L3MBTL4: variants seen among roughly 807,000 people sequenced by gnomAD.
The protein encoded by L3MBTL4 is L3MBTL histone methyl-lysine binding protein 4.
L3MBTL4 carries 70 observed loss-of-function variants against 84.5 expected under a neutral mutation model. The ratio of observed to expected loss-of-function variants is 0.83; its 90% CI spans 0.68 to 1.01. The LOEUF (loss-of-function observed/expected upper bound fraction) is 1.01. L3MBTL4 is among the 50% of genes least tolerant of loss of function. The pLI is 0.00. For synonymous variants in L3MBTL4, 274 were observed against 259.8 expected (o/e 1.05, Z -0.52); for missense variants, 715 against 754.8 (o/e 0.95, Z 0.62).
chr18:5,994,480 T>C (rs2053856459), intron 16 of L3MBTL4, among the ~76,000 whole-genome samples: 2 of 152,184 alleles, frequency 1.3e-5, no homozygotes, highest in Non-Finnish European at 2.9e-5. Context: ...AAATATCAAC[T>C]CAAAATTATC....
intron 12 of L3MBTL4, among the ~76,000 whole-genome samples, chr18:6,185,509 C>T (rs534495365): frequency 6.6e-6 from 1 of 152,222 alleles, no homozygotes; most frequent in South Asian, 2.1e-4. Flanking sequence ...GAAGTCCCAC[C>T]GGAGGGTGGT....
intron 4 of L3MBTL4, among the ~76,000 whole-genome samples, chr18:6,268,465 G>T (rs1312076873): frequency 6.6e-6 from 1 of 152,078 alleles, no homozygotes; most frequent in East Asian, 1.9e-4. Context: ...TAGCACTCTG[G>T]GCCTTAAACA....
chr18:6,029,995 C>T (rs968601044), intron 16 of L3MBTL4: 1 of 985,308 alleles, frequency 1.0e-6, no homozygotes, highest in Non-Finnish European at 1.2e-6. Flanking sequence ...ACATGAAAAC[C>T]ATCCAGATGG....
chr18:6,199,457 T>C (rs1368747877), intron 12 of L3MBTL4, among the ~76,000 whole-genome samples: 1 of 152,214 alleles, frequency 6.6e-6, no homozygotes, highest in Admixed American at 6.5e-5. Context: ...AGAGATGCCA[T>C]GTCCGTCACT....
chr18:6,032,124 C>A lies in L3MBTL4; in HGVS notation c.1444+48757G>T, dbSNP rs896164209. On this transcript the variant is annotated intron_variant, in intron 16 of 18. Transcript: ENST00000317931. ...TCCCCAGTAGGTGGGACTATAGGCA[C>A]CCGCCACCACGCCTGGCTAATTTTT... 4.8e-5 allele frequency: 12 copies of A among 248,104 alleles called. No individual in the cohort carries two copies. The Admixed American group carries it at 4.9e-4, about 10-fold the overall frequency. 15.4% of individuals were successfully genotyped at this position (248,104 alleles called of 1,614,324 possible).
At chr18:5,978,974 C>A (rs1325377759) in intron 16 of L3MBTL4, among the ~76,000 whole-genome samples, 2 of 152,150 alleles carry the variant, frequency 1.3e-5, no homozygotes, top group South Asian at 2.1e-4. Context: ...TCTGGGAGGG[C>A]AGACACCATA....
At chr18:6,378,911 G>A (rs2144315686) in intron 1 of L3MBTL4, among the ~76,000 whole-genome samples, 1 of 152,282 alleles carries the variant, frequency 6.6e-6, no homozygotes, top group Non-Finnish European at 1.5e-5. Flanking sequence ...ATTTTGGGCA[G>A]TATCACCATT....
chr18:6,247,089 T>C (rs929096552), intron 5 of L3MBTL4, among the ~76,000 whole-genome samples: 6 of 152,196 alleles, frequency 3.9e-5, no homozygotes, highest in Non-Finnish European at 8.8e-5. Context: ...TAGAGAAACA[T>C]GTGGATATAA....
At chr18:6,207,892 C>A (rs2145734034) in intron 12 of L3MBTL4, among the ~76,000 whole-genome samples, 1 of 152,010 alleles carries the variant, frequency 6.6e-6, no homozygotes, top group Admixed American at 6.5e-5. Context: ...ATCACTTCAG[C>A]TCAGGAGTTC....
Position 6,171,874 on chromosome 18 carries a change from C to A in L3MBTL4, c.1050G>T (p.Pro350=), listed in dbSNP as rs267605237. The A allele has an allele frequency of 3.2e-6, 5 of 1,555,330 alleles. No individual in the cohort carries two copies. In the Admixed American group the frequency reaches 9.7e-5, roughly 30 times the overall value. The part of the protein sequence containing the change: ...WVEADSPDIH[P]IGWCDVTGHP... Reference sequence around the variant, plus strand: ...GCCCTGTGACATCACACCATCCGATCGGGTGGATATCAGGGCTGTCTGCCT... The same window carrying A: ...GCCCTGTGACATCACACCATCCGATAGGGTGGATATCAGGGCTGTCTGCCT... Residue 350 remains proline, a synonymous_variant, in exon 13 of 19, where the codon CCG becomes CCT. Transcript: ENST00000317931.
intron 16 of L3MBTL4, among the ~76,000 whole-genome samples, chr18:6,021,670 C>T (rs1490177480): frequency 6.6e-6 from 1 of 152,088 alleles, no homozygotes; most frequent in Non-Finnish European, 1.5e-5. Context: ...CTTGGGGTTT[C>T]TGTGAAATCT....
intron 1 of L3MBTL4, chr18:6,374,278 A>G (rs1341603020): frequency 6.5e-6 from 1 of 153,126 alleles, no homozygotes; most frequent in Non-Finnish European, 1.5e-5. Context: ...TGCCAATAAC[A>G]ACAGCACCAA....
At chr18:6,276,217 G>A (rs982620789) in intron 4 of L3MBTL4, among the ~76,000 whole-genome samples, 3 of 152,200 alleles carry the variant, frequency 2.0e-5, no homozygotes, top group Admixed American at 1.3e-4. Flanking sequence ...ATTGACTGAT[G>A]TCTTATGTCT....
At chr18:6,401,123 G>C (rs2055493650) in intron 1 of L3MBTL4, among the ~76,000 whole-genome samples, 1 of 152,026 alleles carries the variant, frequency 6.6e-6, no homozygotes. Flanking sequence ...ATTATATTTG[G>C]CTCTAATTAT....
At position 6,046,090 on chromosome 18, in the gene L3MBTL4, T is replaced by G. The variant is rs1048076174; in HGVS notation, c.1444+34791A>C. The stretch of plus-strand genomic sequence containing the variant: ...AAAAATAATATAAGAATAGCAGAGG[T>G]TGTTATTCCCATATTAGATAAAACA... On this transcript the variant is annotated intron_variant, in intron 16 of 18. Coordinates refer to ENST00000317931, the MANE Select transcript of L3MBTL4 (RefSeq NM_001330559.2). Among the ~76,000 whole-genome samples, 7 of 152,040 alleles carry G rather than the reference T, an allele frequency of 4.6e-5. No individual in the cohort carries two copies. The South Asian group carries it at 1.2e-3, about 27-fold the overall frequency.
intron 16 of L3MBTL4, among the ~76,000 whole-genome samples, chr18:5,998,412 A>G (rs925788710): frequency 4.6e-5 from 7 of 152,164 alleles, no homozygotes; most frequent in African/African-American, 1.4e-4. Flanking sequence ...CTGGTCTGTT[A>G]GCCTCAGAGA....
At chr18:5,972,989 A>G (rs150933668) in intron 16 of L3MBTL4, among the ~76,000 whole-genome samples, 1 of 152,060 alleles carries the variant, frequency 6.6e-6, no homozygotes, top group East Asian at 1.9e-4. Flanking sequence ...GAGTAAGAGC[A>G]AAACTTATAC....
At chr18:6,066,065 A>G (rs1206554210) in intron 16 of L3MBTL4, among the ~76,000 whole-genome samples, 1 of 152,018 alleles carries the variant, frequency 6.6e-6, no homozygotes, top group Non-Finnish European at 1.5e-5. Context: ...CATTATTATC[A>G]TTCATTTTCA....
intron 16 of L3MBTL4, among the ~76,000 whole-genome samples, chr18:5,983,066 C>G (rs914981105): frequency 2.2e-4 from 33 of 152,118 alleles, no homozygotes; most frequent in African/African-American, 8.0e-4. Flanking sequence ...AAAACTGATG[C>G]GATTTTGTTA....
Sources: gnomAD v4.1 joint callset for allele counts (sites outside exome capture counted in the v4.1 genomes callset) on GRCh38, gnomAD v4.1.1 for gene constraint, MANE v1.5 for transcripts, NCBI Gene and HGNC (gene_info 2026-07-23, HGNC 2026-07-21) for gene names.